KIAA1958: variants seen among roughly 807,000 people sequenced by gnomAD.
KIAA1958 encodes uncharacterized protein KIAA1958.
In KIAA1958, 14 loss-of-function variants were observed where a neutral mutation model predicts 47.2. The ratio of observed to expected loss-of-function variants is 0.30; its 90% confidence interval spans 0.20 to 0.46. The LOEUF (loss-of-function observed/expected upper bound fraction) is 0.46, where lower values mean the gene tolerates loss of function less well. Ranked by LOEUF, KIAA1958 falls within the 20% of genes least tolerant of loss-of-function variation. The pLI is 1.00. For synonymous variants in KIAA1958, 354 were observed against 353.3 expected, an observed-to-expected ratio of 1.00 and a Z score of -0.02; for missense variants, 803 against 909.2, an observed-to-expected ratio of 0.88 and a Z score of 1.50.
intron 2 of KIAA1958, among the ~76,000 whole-genome samples, chr9:112,638,064 G>A (rs964384263): frequency 1.1e-4 from 17 of 152,086 alleles, no homozygotes; most frequent in Middle Eastern, 3.4e-3. Context: ...CAGGAGAATC[G>A]CTTGAACCCA....
intron 1 of KIAA1958, among the ~76,000 whole-genome samples, chr9:112,523,406 G>A (rs1387404786): frequency 1.3e-5 from 2 of 151,990 alleles, no homozygotes; most frequent in East Asian, 3.9e-4. Context: ...AACCGAGATC[G>A]TGCCACTGCA....
At chr9:112,535,243 A>G (rs1233905759) in intron 1 of KIAA1958, among the ~76,000 whole-genome samples, 1 of 152,164 alleles carries the variant, frequency 6.6e-6, no homozygotes, top group Non-Finnish European at 1.5e-5. Context: ...TTTTTCAGTC[A>G]TCCCACTGCA....
chr9:112,538,440 A>G (rs917927969), intron 1 of KIAA1958, among the ~76,000 whole-genome samples: 23 of 152,196 alleles, frequency 1.5e-4, no homozygotes, highest in African/African-American at 5.1e-4. Context: ...TCTCAAAGCA[A>G]AATGAGTAGG....
chr9:112,507,476 GTAGC>G (rs1834251597), intron 1 of KIAA1958, among the ~76,000 whole-genome samples: 1 of 152,082 alleles, frequency 6.6e-6, no homozygotes, highest in South Asian at 2.1e-4. Flanking sequence ...AGTCTCCTGA[GTAGC>G]TACCATTATA....
rs1834032787 is a variant in KIAA1958 at position 112,495,219 on chromosome 9, T to C, written c.-25+8101T>C. 2.6e-5 allele frequency among the ~76,000 whole-genome samples: 4 copies of C among 152,302 alleles called. No homozygotes were observed. The South Asian group carries it at 8.3e-4, about 32-fold the overall frequency. ...TGAGGCACTGTGCCTGGCTATTTTC[T>C]TAATTCCTCTTATTCCTTTTGAAAT... On this transcript the variant is annotated intron_variant, in intron 1 of 3. Transcript: ENST00000337530.
chr9:112,544,829 G>A (rs563203687), intron 1 of KIAA1958, among the ~76,000 whole-genome samples: 1 of 152,290 alleles, frequency 6.6e-6, no homozygotes, highest in Admixed American at 6.5e-5. Flanking sequence ...TTTTTCAAGA[G>A]ACACTTCTAC....
At chr9:112,644,195 CA>C (rs140835938) in intron 2 of KIAA1958, among the ~76,000 whole-genome samples, 40 of 68,976 alleles carry the variant, frequency 5.8e-4, no homozygotes, top group Non-Finnish European at 1.4e-3. Context: ...AACAAACAAA[CA>C]AAAAACAAAA....
chr9:112,566,342 GT>G (rs1401606005), intron 1 of KIAA1958, among the ~76,000 whole-genome samples: 1 of 152,018 alleles, frequency 6.6e-6, no homozygotes, highest in African/African-American at 2.4e-5. Flanking sequence ...TTCAGCAAAG[GT>G]ACTATTTTAC....
At chr9:112,518,647 A>C (rs1204930686) in intron 1 of KIAA1958, among the ~76,000 whole-genome samples, 1 of 152,158 alleles carries the variant, frequency 6.6e-6, no homozygotes, top group East Asian at 1.9e-4. Flanking sequence ...TTTTCTAATC[A>C]TGGTGATGGT....
At chr9:112,538,400 A>G (rs991194299) in intron 1 of KIAA1958, among the ~76,000 whole-genome samples, 3 of 152,116 alleles carry the variant, frequency 2.0e-5, no homozygotes, top group Non-Finnish European at 4.4e-5. Context: ...GAACTAAATA[A>G]ACCTCTGGAG....
chr9:112,511,324 A>C (rs1834321372), intron 1 of KIAA1958, among the ~76,000 whole-genome samples: 1 of 152,166 alleles, frequency 6.6e-6, no homozygotes, highest in Non-Finnish European at 1.5e-5. Context: ...TTAACAAGCT[A>C]TTCTGATGTA....
intron 2 of KIAA1958, chr9:112,619,071 T>A: frequency 1.4e-6 from 1 of 728,190 alleles, no homozygotes; most frequent in Non-Finnish European, 1.7e-6. Flanking sequence ...AATAAGCCAA[T>A]GGAGATAATT....
chr9:112,555,374 A>C (rs1037507066), intron 1 of KIAA1958, among the ~76,000 whole-genome samples: 1 of 152,246 alleles, frequency 6.6e-6, no homozygotes, highest in African/African-American at 2.4e-5. Context: ...AGAAACAAGT[A>C]AGACAGACAT....
At position 112,637,387 on chromosome 9, in the gene KIAA1958, T is replaced by G. The variant is rs60543356; in HGVS notation, c.1172-8263T>G. ...CTGCATTTTACCTTTATTTTTATTT[T>G]ATTTTATTTTTTTAGATGGAGTTTC... On this transcript the variant is annotated intron_variant, in intron 2 of 3. Transcript: ENST00000337530. Among the ~76,000 whole-genome samples the G allele has an allele frequency of 2.2e-3, 332 of 152,254 alleles. 4 individuals are homozygous for G. Among genetic ancestry groups the G allele is most frequent in the Middle Eastern group, 0.017 (5 of 294 alleles).
At chr9:112,525,617 A>C (rs1411055194) in intron 1 of KIAA1958, among the ~76,000 whole-genome samples, 1 of 152,182 alleles carries the variant, frequency 6.6e-6, no homozygotes, top group Non-Finnish European at 1.5e-5. Context: ...TTCATATATA[A>C]AAATAATTTT....
At chr9:112,634,175 T>G (rs1008375246) in intron 2 of KIAA1958, among the ~76,000 whole-genome samples, 7 of 152,220 alleles carry the variant, frequency 4.6e-5, no homozygotes, top group African/African-American at 1.7e-4. Flanking sequence ...GACATTTCAG[T>G]GAGTGTATTT....
At chr9:112,512,085 A>G (rs547704924) in intron 1 of KIAA1958, among the ~76,000 whole-genome samples, 8 of 152,328 alleles carry the variant, frequency 5.3e-5, no homozygotes, top group East Asian at 1.9e-4. Context: ...ATGGAATTCT[A>G]CCAGACATTT....
In KIAA1958 at chr9:112,491,546, G is replaced by GT. The variant is rs542029172; in HGVS notation, c.-25+4439dup. The stretch of plus-strand genomic sequence containing the variant: ...TGGAATGGCTAGTAATTATTAGCTG[G>GT]TTTTTTTTTTTGTTTTTTTTGTTTT... On this transcript the variant is annotated intron_variant, in intron 1 of 3. Transcript: ENST00000337530. Among the ~76,000 whole-genome samples, 704 of 140,482 alleles carry GT rather than the reference G, an allele frequency of 5.0e-3. 4 individuals carry two copies. The highest frequency in any genetic ancestry group is 9.9e-3 in the African/African-American group (381 of 38,626). The allele number at this position is 140,482 out of a possible 152,430, so 92.2% of individuals were successfully genotyped here.
intron 1 of KIAA1958, among the ~76,000 whole-genome samples, chr9:112,561,106 G>A (rs1463786479): frequency 6.7e-6 from 1 of 150,348 alleles, no homozygotes; most frequent in East Asian, 2.0e-4. Context: ...CCAGGCTGGA[G>A]TGCAGTGGTG....
Sources: gnomAD v4.1 joint callset for allele counts (sites outside exome capture counted in the v4.1 genomes callset) on GRCh38, gnomAD v4.1.1 for gene constraint, MANE v1.5 for transcripts, NCBI Gene and HGNC (gene_info 2026-07-23, HGNC 2026-07-21) for gene names.